Variants in OCA2 observed in about 807,000 individuals in gnomAD.
The protein encoded by OCA2 is P protein.
OCA2 carries 77 observed loss-of-function variants against 100.2 expected under a neutral mutation model. The observed-to-expected ratio is 0.77, with a 90% CI of 0.64 to 0.93. OCA2 has a LOEUF of 0.93. Ranked by LOEUF, OCA2 falls within the 40% of genes least tolerant of loss-of-function variation. The pLI is 0.00. For synonymous variants in OCA2, 432 were observed against 439.2 expected, an observed-to-expected ratio of 0.98 and a Z score of 0.21; for missense variants, 1,062 against 1,089.1, an observed-to-expected ratio of 0.98 and a Z score of 0.35.
chr15:28,041,295 G>A (rs2043194314), intron 2 of OCA2, among the ~76,000 whole-genome samples: 1 of 146,672 alleles, frequency 6.8e-6, no homozygotes, highest in Non-Finnish European at 1.5e-5. Context: ...AAAAACATTT[G>A]ACAAAGTTCA....
chr15:27,829,627 C>T (rs1399311758), intron 23 of OCA2, among the ~76,000 whole-genome samples: 1 of 152,204 alleles, frequency 6.6e-6, no homozygotes, highest in Non-Finnish European at 1.5e-5. Flanking sequence ...TGAGCTGTGG[C>T]TGTGGCCAAC....
chr15:27,770,947 CTTCCATCTTT>C, intron 23 of OCA2, among the ~76,000 whole-genome samples: 2 of 99,756 alleles, frequency 2.0e-5, no homozygotes, highest in Non-Finnish European at 5.1e-5. Flanking sequence ...TCCTTCCTTG[CTTCCATCTTT>C]CCTTCCTCCC....
At chr15:27,919,758 C>A (rs1368283559) in intron 19 of OCA2, among the ~76,000 whole-genome samples, 2 of 152,084 alleles carry the variant, frequency 1.3e-5, no homozygotes, top group Non-Finnish European at 2.9e-5. Flanking sequence ...CAAGAATGAG[C>A]ACTAATATAA....
At chr15:27,786,870 G>A (rs1189765136) in intron 23 of OCA2, among the ~76,000 whole-genome samples, 1 of 152,082 alleles carries the variant, frequency 6.6e-6, no homozygotes, top group African/African-American at 2.4e-5. Flanking sequence ...TCAATCCGAG[G>A]GAAAACATTC....
intron 23 of OCA2, among the ~76,000 whole-genome samples, chr15:27,794,733 T>G (rs920468424): frequency 1.3e-5 from 2 of 152,156 alleles, no homozygotes; most frequent in Admixed American, 6.5e-5. Flanking sequence ...AAAAATGACA[T>G]GCTGTTCAGG....
At chr15:27,823,311 C>T (rs1390284091) in intron 23 of OCA2, among the ~76,000 whole-genome samples, 1 of 151,900 alleles carries the variant, frequency 6.6e-6, no homozygotes, top group Non-Finnish European at 1.5e-5. Flanking sequence ...TACTTATATG[C>T]TAATGAAGAA....
chr15:27,752,937 G>A (rs1273927035), downstream of OCA2, among the ~76,000 whole-genome samples: 7 of 151,984 alleles, frequency 4.6e-5, no homozygotes, highest in Non-Finnish European at 8.8e-5. Context: ...TGGCTGCTGC[G>A]CTAGGGAAAT....
chr15:27,926,249 T>G lies in OCA2; in HGVS notation c.1957A>C (p.Ile653Leu). ...AACCAGATGGCACCCAGAATAGCAA[T>G]CCATCCTGAAAATAAGTAAATAGAC... ...VPGIHLDLGW[I>L]AILGAIWLLI... is the part of the protein sequence containing the mutation. Residue 653 changes from isoleucine (I) to leucine (L), a missense_variant, in exon 19 of 24, where the codon ATT (isoleucine) becomes CTT (leucine). Ile to Leu is a conservative substitution (Grantham distance 5, BLOSUM62 2). Transcript: ENST00000354638. 6.2e-7 allele frequency: 1 copy of G among 1,613,986 alleles called. No individual in the cohort carries two copies. The highest frequency in any genetic ancestry group is 8.5e-7 in the Non-Finnish European group (1 of 1,179,890).
chr15:28,082,327 A>C (rs984987407), intron 1 of OCA2, among the ~76,000 whole-genome samples: 10 of 152,172 alleles, frequency 6.6e-5, no homozygotes, highest in South Asian at 6.2e-4. Context: ...ATCTGTGGAT[A>C]CTTTCGATGT....
chr15:28,081,947 C>G lies in OCA2; in HGVS notation c.-21-52G>C, dbSNP rs1353019680. Reference sequence around the variant, plus strand: ...TTCATGAAAGGCACACTGAGACTAACGTTTGCACCTTGGGAGTCCGTACAA... The same window carrying G: ...TTCATGAAAGGCACACTGAGACTAAGGTTTGCACCTTGGGAGTCCGTACAA... On this transcript the variant is annotated intron_variant, in intron 1 of 23. Transcript: ENST00000354638. 3 of 1,433,858 alleles carry G rather than the reference C, an allele frequency of 2.1e-6. No individual in the cohort carries two copies. In the East Asian group the frequency reaches 7.3e-5, roughly 35 times the overall value. The allele number at this position is 1,433,858 out of a possible 1,614,324, so 88.8% of individuals were successfully genotyped here. A position where few individuals can be genotyped will look rare whatever the true frequency, so the allele number is the denominator to read the frequency against.
At chr15:28,009,767 C>A (rs1261415352) in intron 9 of OCA2, among the ~76,000 whole-genome samples, 3 of 151,798 alleles carry the variant, frequency 2.0e-5, no homozygotes, top group East Asian at 1.9e-4. Flanking sequence ...AGTGTAAGTT[C>A]TCTAACTATA....
intron 14 of OCA2, among the ~76,000 whole-genome samples, chr15:27,967,096 C>G (rs1410400099): frequency 6.6e-6 from 1 of 152,204 alleles, no homozygotes; most frequent in African/African-American, 2.4e-5. Context: ...TGCCACTGCA[C>G]TCCAGCCTGG....
chr15:27,774,328 G>A (rs934432906), intron 23 of OCA2, among the ~76,000 whole-genome samples: 1 of 152,238 alleles, frequency 6.6e-6, no homozygotes, highest in Non-Finnish European at 1.5e-5. Context: ...ACAAGTTCAA[G>A]GGCCTACATC....
intron 9 of OCA2, among the ~76,000 whole-genome samples, chr15:27,996,437 T>C (rs1045296204): frequency 6.6e-5 from 10 of 151,540 alleles, no homozygotes; most frequent in South Asian, 2.1e-4. Context: ...CTCAAGGAAA[T>C]AGAAGAGCCA....
chr15:27,849,593 G>C (rs2035672532), intron 22 of OCA2, among the ~76,000 whole-genome samples: 1 of 150,602 alleles, frequency 6.6e-6, no homozygotes, highest in African/African-American at 2.4e-5. Context: ...CCAATTTATA[G>C]AGCAAATGAC....
intron 2 of OCA2, among the ~76,000 whole-genome samples, chr15:28,068,471 G>C (rs1399177259): frequency 2.0e-5 from 3 of 152,174 alleles, no homozygotes; most frequent in Admixed American, 6.5e-5. Context: ...ACCAAAAAAA[G>C]CCCTGGGCCA....
chr15:28,057,383 A>G (rs2043734694), intron 2 of OCA2, among the ~76,000 whole-genome samples: 1 of 152,094 alleles, frequency 6.6e-6, no homozygotes, highest in Non-Finnish European at 1.5e-5. Flanking sequence ...CACGGCCCTC[A>G]ACATAATAGC....
In OCA2 at chr15:27,789,983, T is replaced by C. The variant is rs147823026; in HGVS notation, c.2433-34511A>G. On this transcript the variant is annotated intron_variant, in intron 23 of 23. Transcript: ENST00000354638. The stretch of plus-strand genomic sequence containing the variant: ...AGCTTAAAACTTTGTCTGAGAACTA[T>C]ACTATTAGAAAAATGAAGAGATGAG... 5.2e-3 allele frequency among the ~76,000 whole-genome samples: 789 copies of C among 152,276 alleles called. 6 individuals carry two copies. Among genetic ancestry groups the C allele is most frequent in the African/African-American group, 0.018 (751 of 41,560 alleles).
chr15:27,875,121 C>G (rs750595062), intron 19 of OCA2, among the ~76,000 whole-genome samples: 2 of 151,868 alleles, frequency 1.3e-5, no homozygotes, highest in Non-Finnish European at 2.9e-5. Flanking sequence ...AAAACAACAA[C>G]GAAAAAGAGA....
Sources: gnomAD v4.1 joint callset for allele counts (sites outside exome capture counted in the v4.1 genomes callset) on GRCh38, gnomAD v4.1.1 for gene constraint, MANE v1.5 for transcripts, NCBI Gene and HGNC (gene_info 2026-07-23, HGNC 2026-07-21) for gene names.